Variants in NRXN1 observed in about 807,000 individuals in gnomAD.
NRXN1 encodes neurexin 1, also known as neurexin-1.
In NRXN1, 39 loss-of-function variants were observed where a neutral mutation model predicts 150.9. The ratio of observed to expected loss-of-function variants is 0.26; its 90% CI spans 0.20 to 0.34. The LOEUF is 0.34. NRXN1 is among the 10% of genes least tolerant of loss of function. The pLI, the probability that NRXN1 is intolerant of heterozygous loss-of-function variation, is 1.00. For synonymous variants in NRXN1, 924 were observed against 757.0 expected, an observed-to-expected ratio of 1.22 and a Z score of -3.62; for missense variants, 1,815 against 1,949.9, an observed-to-expected ratio of 0.93 and a Z score of 1.30.
chr2:50,225,684 G>A (rs2064307594), intron 18 of NRXN1, among the ~76,000 whole-genome samples: 1 of 151,886 alleles, frequency 6.6e-6, no homozygotes, highest in Admixed American at 6.6e-5. Context: ...TTAAAGAAAG[G>A]AACAGATATG....
Position 50,072,530 on chromosome 2 carries a change from T to TAAA in NRXN1, c.3719-17489_3719-17487dup, listed in dbSNP as rs11397509. Among the ~76,000 whole-genome samples the TAAA allele has an allele frequency of 1.0e-4, 14 of 138,586 alleles. 1 individual carries two copies. The highest frequency in any genetic ancestry group is 2.9e-4 in the Admixed American group (4 of 13,774). 90.9% of individuals were successfully genotyped at this position (138,586 alleles called of 152,430 possible). A position where few individuals can be genotyped will look rare whatever the true frequency, so the allele number is the denominator to read the frequency against. ...ATCCTTAGGAACTGCCTAAGAAATT[T>TAAA]AAAAAAAAAAAAAGAAAAAGTGATT... On this transcript the variant is annotated intron_variant, in intron 19 of 22. Coordinates refer to ENST00000401669, the MANE Select transcript of NRXN1 (RefSeq NM_001330078.2).
At chr2:50,294,682 C>T (rs1217512968) in intron 17 of NRXN1, among the ~76,000 whole-genome samples, 1 of 152,116 alleles carries the variant, frequency 6.6e-6, no homozygotes, top group African/African-American at 2.4e-5. Context: ...TGATCCAACC[C>T]TGAAGGATGA....
intron 19 of NRXN1, among the ~76,000 whole-genome samples, chr2:50,082,075 C>T (rs1031916082): frequency 3.3e-5 from 5 of 152,178 alleles, no homozygotes; most frequent in Admixed American, 2.6e-4. Flanking sequence ...TTCCGGCCTT[C>T]AGTGCTTAGC....
intron 5 of NRXN1, among the ~76,000 whole-genome samples, chr2:50,635,772 G>A (rs556375327): frequency 6.6e-6 from 1 of 152,298 alleles, no homozygotes; most frequent in East Asian, 1.9e-4. Flanking sequence ...TAAGGGAGGT[G>A]GGAAGTGGGG....
In NRXN1 at chr2:50,326,800, A is replaced by G. The variant is rs796997854; in HGVS notation, c.3365-89830T>C. On this transcript the variant is annotated intron_variant, in intron 17 of 22. Transcript: ENST00000401669. ...AGGCTGTTCTTTGCTAAGGGACTTC[A>G]GCTAGAGCACACCTATGGTGCAATT... 2.6e-5 allele frequency among the ~76,000 whole-genome samples: 4 copies of G among 152,328 alleles called. 1 individual carries two copies. The highest frequency in any genetic ancestry group is 9.6e-5 in the African/African-American group (4 of 41,574).
chr2:50,111,673 C>G (rs1477671668), intron 18 of NRXN1, among the ~76,000 whole-genome samples: 2 of 151,908 alleles, frequency 1.3e-5, no homozygotes, highest in African/African-American at 4.8e-5. Context: ...TCTCATGGGT[C>G]TGCACTATGG....
At chr2:50,922,821 A>G in intron 3 of NRXN1, 134 bp from the exon 4 acceptor site, 1 of 933,014 alleles carries the variant, frequency 1.1e-6, no homozygotes, top group East Asian at 2.6e-5. Flanking sequence ...GAGGCAAATC[A>G]AAAAGCATTC....
intron 17 of NRXN1, among the ~76,000 whole-genome samples, chr2:50,362,543 G>A (rs924511196): frequency 3.9e-5 from 6 of 152,098 alleles, no homozygotes; most frequent in Admixed American, 3.9e-4. Context: ...CAAGGGATAC[G>A]AAGGACCTCT....
At chr2:50,873,966 T>C (rs1678187512) in intron 5 of NRXN1, among the ~76,000 whole-genome samples, 1 of 151,878 alleles carries the variant, frequency 6.6e-6, no homozygotes, top group Non-Finnish European at 1.5e-5. Flanking sequence ...ACCCAAATGT[T>C]TTTAAATACC....
intron 22 of NRXN1, among the ~76,000 whole-genome samples, chr2:49,938,733 G>C (rs752586437): frequency 6.6e-6 from 1 of 152,176 alleles, no homozygotes; most frequent in African/African-American, 2.4e-5. Context: ...CAGGAGGCAG[G>C]TCTGGTTCCC....
intron 18 of NRXN1, among the ~76,000 whole-genome samples, chr2:50,161,892 A>T (rs553462859): frequency 6.6e-6 from 1 of 152,250 alleles, no homozygotes; most frequent in South Asian, 2.1e-4. Context: ...GGGATGACGA[A>T]GTTTTGGAAT....
intron 21 of NRXN1, among the ~76,000 whole-genome samples, chr2:50,013,340 T>TC (rs1440409121): frequency 6.6e-6 from 1 of 151,608 alleles, no homozygotes; most frequent in African/African-American, 2.4e-5. Flanking sequence ...GCATGTGGTC[T>TC]CAGCATTCTG....
intron 17 of NRXN1, among the ~76,000 whole-genome samples, chr2:50,326,374 G>T (rs2076383600): frequency 6.6e-6 from 1 of 152,114 alleles, no homozygotes; most frequent in South Asian, 2.1e-4. Context: ...TTTTGTACTT[G>T]CTGTATCTGA....
At chr2:50,690,274 C>T (rs994968808) in intron 5 of NRXN1, among the ~76,000 whole-genome samples, 1 of 152,078 alleles carries the variant, frequency 6.6e-6, no homozygotes, top group East Asian at 1.9e-4. Flanking sequence ...ATGTACATAA[C>T]CTGAAATGCA....
At chr2:50,134,783 C>CACAAACTG in intron 18 of NRXN1, among the ~76,000 whole-genome samples, 1 of 152,146 alleles carries the variant, frequency 6.6e-6, no homozygotes. Context: ...AACTGAGTCG[C>CACAAACTG]AGGTTGTACA....
chr2:50,316,625 T>C (rs570605417), intron 17 of NRXN1, among the ~76,000 whole-genome samples: 38 of 152,158 alleles, frequency 2.5e-4, no homozygotes, highest in Admixed American at 1.8e-3. Flanking sequence ...AAACCCACTC[T>C]TAAAGGTTAT....
chr2:50,406,223 C>G (rs13394447), intron 17 of NRXN1, among the ~76,000 whole-genome samples: 86,563 of 151,742 alleles, frequency 0.57, 26,939 homozygotes, highest in East Asian at 0.92. Context: ...TGGGAGAAGA[C>G]ATGATGGGAA....
At chr2:50,800,839 C>T (rs1419605533) in intron 5 of NRXN1, among the ~76,000 whole-genome samples, 1 of 152,122 alleles carries the variant, frequency 6.6e-6, no homozygotes. Context: ...CGTGAGCCAG[C>T]ATGCCTGGCC....
At chr2:50,446,163 C>T (rs1441715209) in intron 17 of NRXN1, among the ~76,000 whole-genome samples, 1 of 151,886 alleles carries the variant, frequency 6.6e-6, no homozygotes, top group African/African-American at 2.4e-5. Context: ...TTCATCAAGA[C>T]ACATAGTTGC....
Sources: allele counts gnomAD v4.1 joint callset (sites outside exome capture counted in the v4.1 genomes callset), GRCh38; gene constraint gnomAD v4.1.1; transcripts MANE v1.5; gene names NCBI Gene and HGNC (gene_info 2026-07-23, HGNC 2026-07-21).